CUL3: variants seen among roughly 807,000 people sequenced by gnomAD.
CUL3 encodes cullin-3.
CUL3 carries 19 observed loss-of-function variants against 89.1 expected under a neutral mutation model. The ratio of observed to expected loss-of-function variants is 0.21; its 90% CI spans 0.15 to 0.31. CUL3 has a LOEUF of 0.31. CUL3 is among the 10% of genes least tolerant of loss of function. The pLI is 1.00. For missense variants in CUL3, 469 were observed against 942.3 expected (o/e 0.50, Z 6.58); for synonymous variants, 351 against 308.4 (o/e 1.14, Z -1.45).
intron 6 of CUL3, among the ~76,000 whole-genome samples, chr2:224,509,976 C>T (rs1288880030): frequency 6.6e-6 from 1 of 152,070 alleles, no homozygotes; most frequent in Non-Finnish European, 1.5e-5. Flanking sequence ...TTTTTAATGG[C>T]TGAGGAAAAA....
chr2:224,539,412 A>G (rs1694011879), intron 2 of CUL3, among the ~76,000 whole-genome samples: 2 of 152,206 alleles, frequency 1.3e-5, no homozygotes, highest in South Asian at 4.1e-4. Context: ...ACGAAACCAG[A>G]CATACTCTTA....
At chr2:224,510,301 T>G (rs936699481) in intron 6 of CUL3, among the ~76,000 whole-genome samples, 7 of 150,424 alleles carry the variant, frequency 4.7e-5, no homozygotes, top group African/African-American at 1.7e-4. Flanking sequence ...TTTTTTTTGT[T>G]TTTTTTTTGT....
intron 2 of CUL3, among the ~76,000 whole-genome samples, chr2:224,540,088 G>A (rs112938042): frequency 0.011 from 1,637 of 145,370 alleles, 30 homozygotes; most frequent in African/African-American, 0.04. Context: ...ATGGAGTATC[G>A]CTCTGTTGCC....
At chr2:224,545,360 T>G (rs759069192) in intron 2 of CUL3, among the ~76,000 whole-genome samples, 1 of 152,164 alleles carries the variant, frequency 6.6e-6, no homozygotes, top group Non-Finnish European at 1.5e-5. Context: ...ATAGCCACTG[T>G]AGGGAAAAAA....
intron 8 of CUL3, among the ~76,000 whole-genome samples, chr2:224,504,690 A>G (rs1370602887): frequency 1.3e-5 from 2 of 152,250 alleles, no homozygotes; most frequent in African/African-American, 4.8e-5. Context: ...AAATGAATGC[A>G]TAAATTAATA....
At chr2:224,496,057 G>A in intron 12 of CUL3, 91 bp from the exon 13 acceptor site, 1 of 1,365,628 alleles carries the variant, frequency 7.3e-7, no homozygotes, top group South Asian at 1.3e-5. Context: ...ATGTTACAGG[G>A]TCTCACTTTG....
intron 2 of CUL3, among the ~76,000 whole-genome samples, chr2:224,555,089 G>A (rs1043218202): frequency 6.6e-6 from 1 of 152,062 alleles, no homozygotes; most frequent in African/African-American, 2.4e-5. Context: ...CTAAATCTAT[G>A]TGTCTCCAAA....
intron 1 of CUL3, among the ~76,000 whole-genome samples, chr2:224,572,968 G>C (rs979826205): frequency 4.6e-5 from 7 of 152,220 alleles, no homozygotes; most frequent in African/African-American, 1.7e-4. Context: ...TTTTGTTATA[G>C]CACCACAAAA....
intron 13 of CUL3, among the ~76,000 whole-genome samples, chr2:224,484,007 T>C (rs907775791): frequency 2.6e-5 from 4 of 152,092 alleles, no homozygotes; most frequent in African/African-American, 4.8e-5. Context: ...CTGGTCAACA[T>C]AGCAAGATCT....
intron 1 of CUL3, among the ~76,000 whole-genome samples, chr2:224,572,480 TAA>T (rs777832978): frequency 3.0e-4 from 40 of 132,918 alleles, no homozygotes; most frequent in Middle Eastern, 3.8e-3. Context: ...CCCTGTCTCT[TAA>T]AAAAAAAAAA....
At chr2:224,536,548 G>C (rs1163528852) in intron 2 of CUL3, among the ~76,000 whole-genome samples, 1 of 152,128 alleles carries the variant, frequency 6.6e-6, no homozygotes, top group African/African-American at 2.4e-5. Context: ...CCCACACCTA[G>C]AATAGTGCTT....
At chr2:224,513,406 T>TACTCCC in intron 5 of CUL3, 118 bp downstream of exon 5, 3 of 675,514 alleles carry the variant, frequency 4.4e-6, no homozygotes, top group Non-Finnish European at 7.5e-6. Flanking sequence ...ATTTTTTGCA[T>TACTCCC]ACTCCCCTCC....
At chr2:224,496,219 C>T (rs572422315) in intron 12 of CUL3, among the ~76,000 whole-genome samples, 6 of 152,074 alleles carry the variant, frequency 3.9e-5, no homozygotes, top group Non-Finnish European at 8.8e-5. Context: ...TTTGTAGAAA[C>T]GGGGTTTTGC....
chr2:224,492,539 A>G (rs1193915075), intron 13 of CUL3, among the ~76,000 whole-genome samples: 1 of 152,144 alleles, frequency 6.6e-6, no homozygotes, highest in Non-Finnish European at 1.5e-5. Flanking sequence ...TCTTTCAAAA[A>G]CCCACTGCTA....
chr2:224,532,691 G>A (rs542036852), intron 3 of CUL3, among the ~76,000 whole-genome samples: 1 of 152,274 alleles, frequency 6.6e-6, no homozygotes, highest in South Asian at 2.1e-4. Flanking sequence ...GGGAGACAGT[G>A]CAGGGGTTCA....
chr2:224,501,755 G>C (rs756096412), intron 10 of CUL3, among the ~76,000 whole-genome samples: 3 of 152,120 alleles, frequency 2.0e-5, no homozygotes, highest in Non-Finnish European at 4.4e-5. Context: ...TTCGCAAGTT[G>C]GTTAGGGGAA....
chr2:224,541,122 G>C (rs1169079869), intron 2 of CUL3, among the ~76,000 whole-genome samples: 1 of 151,248 alleles, frequency 6.6e-6, no homozygotes, highest in South Asian at 2.1e-4. Context: ...GGACTCTACT[G>C]AAATTAAAAA....
intron 1 of CUL3, among the ~76,000 whole-genome samples, chr2:224,561,168 G>C (rs1194251112): frequency 6.6e-6 from 1 of 152,128 alleles, no homozygotes; most frequent in African/African-American, 2.4e-5. Flanking sequence ...GCTTCATGAA[G>C]GCAGGGATCT....
At chr2:224,525,866 A>G (rs1365257040) in intron 3 of CUL3, among the ~76,000 whole-genome samples, 1 of 152,212 alleles carries the variant, frequency 6.6e-6, no homozygotes, top group Non-Finnish European at 1.5e-5. Flanking sequence ...CAGTTTTAAG[A>G]TGGTATAAAA....
Sources: gnomAD v4.1 joint callset for allele counts (sites outside exome capture counted in the v4.1 genomes callset) on GRCh38, gnomAD v4.1.1 for gene constraint, MANE v1.5 for transcripts, NCBI Gene and HGNC (gene_info 2026-07-23, HGNC 2026-07-21) for gene names.